The following PRPF6 variants were observed in gnomAD, a reference collection of about 807,000 sequenced individuals.
PRPF6 encodes the protein pre-mRNA-processing factor 6.
Under a neutral mutation model 118.3 loss-of-function variants are expected in PRPF6, and 42 were observed. The ratio of observed to expected loss-of-function variants is 0.35; its 90% CI spans 0.28 to 0.46. PRPF6 has a LOEUF of 0.46. PRPF6 is among the 20% of genes least tolerant of loss of function. The pLI is 1.00. For missense variants in PRPF6, 662 were observed against 1,255.7 expected, an observed-to-expected ratio of 0.53 and a Z score of 7.15; for synonymous variants, 481 against 485.1, an observed-to-expected ratio of 0.99 and a Z score of 0.11.
At chr20:64,009,687 A>G (rs1361479613) in intron 9 of PRPF6, among the ~76,000 whole-genome samples, 1 of 152,150 alleles carries the variant, frequency 6.6e-6, no homozygotes, top group East Asian at 1.9e-4. Flanking sequence ...GTGCCATTGT[A>G]CTCCAGCCTG....
chr20:64,029,818 G>A lies in PRPF6; in HGVS notation c.2546+327G>A, dbSNP rs1416213430. Among the ~76,000 whole-genome samples the A allele has an allele frequency of 9.6e-5, 14 of 145,450 alleles. No individual in the cohort carries two copies. The highest frequency in any genetic ancestry group is 3.5e-4 in the African/African-American group (14 of 40,014). ...TCAGAGACTCACCGGGGACGCATGT[G>A]ATTCACACTGGTGCTCTGGTCGCCG... is the stretch of plus-strand genomic sequence containing the variant. On this transcript the variant is annotated intron_variant, in intron 19 of 20. Transcript: ENST00000266079. This position sits in a 1 kb window ranked among gnomAD's most constrained non-coding sequence, Gnocchi z 4.8.
intron 9 of PRPF6, 99 bp downstream of exon 9, chr20:64,001,338 G>A (rs6122228): frequency 7.8e-6 from 11 of 1,406,082 alleles, no homozygotes; most frequent in Middle Eastern, 3.8e-4. Context: ...GAGTGGATAA[G>A]GAACCAGGGA....
At chr20:64,002,006 T>C (rs1361685235) in intron 9 of PRPF6, among the ~76,000 whole-genome samples, 1 of 128,210 alleles carries the variant, frequency 7.8e-6, no homozygotes, top group Admixed American at 9.8e-5. Context: ...TTTTGTTTTT[T>C]TTTTCTGGTT....
rs2059294921 is a variant in PRPF6 at position 64,027,188 on chromosome 20, A to G, written c.2205+30A>G. On this transcript the variant is annotated intron_variant, in intron 16 of 20. Transcript: ENST00000266079. The surrounding 1 kb of genome is among the most constrained non-coding windows in gnomAD (Gnocchi z 6.5). ...GTCTCTGCCTGCACCCTGGGGCTGCAGCTGACCCGGCATTCACAAAACTGA... is the reference window on the plus strand; with the variant it reads ...GTCTCTGCCTGCACCCTGGGGCTGCGGCTGACCCGGCATTCACAAAACTGA... 1 of 1,611,222 alleles carries G rather than the reference A, an allele frequency of 6.2e-7. No individual in the cohort carries two copies. Among genetic ancestry groups the G allele is most frequent in the South Asian group, 1.1e-5 (1 of 90,914 alleles).
chr20:63,987,278 A>C (rs2059099121), intron 3 of PRPF6, among the ~76,000 whole-genome samples: 1 of 151,414 alleles, frequency 6.6e-6, no homozygotes, highest in South Asian at 2.1e-4. Context: ...AGGCCCAGGC[A>C]GGCAGATCAT....
At chr20:64,032,300 G>GTCTGCTGGAGTATTTTAAC (rs2059318541) in intron 20 of PRPF6, among the ~76,000 whole-genome samples, 1 of 152,236 alleles carries the variant, frequency 6.6e-6, no homozygotes, top group South Asian at 2.1e-4. Context: ...AGGGTGGCCT[G>GTCTGCTGGAGTATTTTAAC]TCTGCTGGAG....
chr20:64,016,969 G>T lies in PRPF6; in HGVS notation c.1647+124G>T, dbSNP rs934470228. The T allele has an allele frequency of 3.0e-5, 40 of 1,334,126 alleles. 1 individual carries two copies. In the African/African-American group the frequency reaches 5.0e-4, roughly 17 times the overall value. The allele number at this position is 1,334,126 out of a possible 1,614,324, so 82.6% of individuals were successfully genotyped here. A position where few individuals can be genotyped will look rare whatever the true frequency, so the allele number is the denominator to read the frequency against. ...TTTTTTTTTTTAAATCTGAGACGGG[G>T]TCTTGCTCTGTCGCCCAGGCTGGAG... On this transcript the variant is annotated intron_variant, in intron 12 of 20. Coordinates refer to ENST00000266079, the MANE Select transcript of PRPF6 (RefSeq NM_012469.4).
At chr20:63,993,599 G>A in intron 4 of PRPF6, 114 bp downstream of exon 4, 1 of 835,742 alleles carries the variant, frequency 1.2e-6, no homozygotes. Flanking sequence ...TTAATTTAGG[G>A]GGTCATTGCT....
chr20:64,016,703 G>GGA lies in PRPF6; in HGVS notation c.1525-20_1525-19insGA. 6.2e-7 allele frequency: 1 copy of GGA among 1,613,910 alleles called. No homozygotes were observed. Among genetic ancestry groups the GGA allele is most frequent in the South Asian group, 1.1e-5 (1 of 91,066 alleles). On this transcript the variant is annotated intron_variant, in intron 11 of 20. Coordinates refer to ENST00000266079, the MANE Select transcript of PRPF6 (RefSeq NM_012469.4). The stretch of plus-strand genomic sequence containing the variant: ...CTCTGATTTCCAAAATCACAAATAA[G>GGA]TTTTGTGTTCCTCTTTCAGGATGCC...
At chr20:64,023,804 G>C (rs567308669) in intron 13 of PRPF6, among the ~76,000 whole-genome samples, 1 of 152,206 alleles carries the variant, frequency 6.6e-6, no homozygotes, top group Non-Finnish European at 1.5e-5. Context: ...CCCGTGACCT[G>C]AATATGAACT....
chr20:63,994,129 T>A (rs2059131143), intron 4 of PRPF6, among the ~76,000 whole-genome samples: 1 of 151,592 alleles, frequency 6.6e-6, no homozygotes, highest in Non-Finnish European at 1.5e-5. Context: ...GTTGAACAGA[T>A]CCAATAAATT....
At chr20:64,021,753 A>G (rs1249875095) in intron 12 of PRPF6, among the ~76,000 whole-genome samples, 2 of 142,728 alleles carry the variant, frequency 1.4e-5, no homozygotes, top group Non-Finnish European at 3.0e-5. Flanking sequence ...GTGTGCACGT[A>G]TGCATATGCC....
chr20:63,992,659 C>CT (rs11480797), intron 3 of PRPF6, among the ~76,000 whole-genome samples: 9,455 of 149,790 alleles, frequency 0.063, 312 homozygotes, highest in Middle Eastern at 0.12. Flanking sequence ...AAAGTAAGAT[C>CT]TTTTTTTTTT....
chr20:64,013,799 G>A (rs570929545), intron 11 of PRPF6, among the ~76,000 whole-genome samples: 62 of 152,238 alleles, frequency 4.1e-4, no homozygotes, highest in African/African-American at 1.4e-3. Context: ...TAAAGTTTAC[G>A]ATTCAGTGGT....
intron 9 of PRPF6, among the ~76,000 whole-genome samples, chr20:64,001,529 A>G (rs1212165954): frequency 6.6e-6 from 1 of 152,176 alleles, no homozygotes; most frequent in Non-Finnish European, 1.5e-5. Context: ...GGCTTCCCTC[A>G]TCTGCAGGGT....
intron 6 of PRPF6, 133 bp downstream of exon 6, chr20:63,995,615 CT>C (rs113295997): frequency 0.21 from 161,140 of 778,972 alleles, 158 homozygotes; most frequent in South Asian, 0.28. Flanking sequence ...TCTCCTTCTC[CT>C]TTTTTTTTTT....
At position 64,008,544 on chromosome 20, in the gene PRPF6, C is replaced by T. The variant is rs544623560; in HGVS notation, c.1187-1656C>T. Among the ~76,000 whole-genome samples the T allele has an allele frequency of 7.4e-4, 112 of 152,278 alleles. 1 individual carries two copies. Among genetic ancestry groups the T allele is most frequent in the African/African-American group, 2.6e-3 (108 of 41,558 alleles). On this transcript the variant is annotated intron_variant, in intron 9 of 20. Transcript: ENST00000266079. ...TGGAGTTCTCCACAGCCTTTCAGCT[C>T]CTGCCTTTGGCAGTGGCTGGTGACC...
intron 12 of PRPF6, among the ~76,000 whole-genome samples, chr20:64,021,245 G>C (rs558333235): frequency 6.6e-6 from 1 of 151,256 alleles, no homozygotes; most frequent in Non-Finnish European, 1.5e-5. Context: ...CTGTGTGTGC[G>C]TGTGTGCGTG....
In PRPF6 at chr20:64,011,601, G is replaced by C; in HGVS notation, c.1524+98G>C. The C allele has an allele frequency of 7.4e-7, 1 of 1,359,840 alleles. No individual in the cohort carries two copies. The highest frequency in any genetic ancestry group is 1.4e-5 in the African/African-American group (1 of 69,404). 84.2% of individuals were successfully genotyped at this position (1,359,840 alleles called of 1,614,324 possible). ...CTGGGGGTTGCTGGATGGTACTGGGGAGTCCTGTGCCAAACCAGAAGCAGG... is the reference window on the plus strand; with the variant it reads ...CTGGGGGTTGCTGGATGGTACTGGGCAGTCCTGTGCCAAACCAGAAGCAGG... On this transcript the variant is annotated intron_variant, in intron 11 of 20. Transcript: ENST00000266079. This position sits in a 1 kb window ranked among gnomAD's most constrained non-coding sequence, Gnocchi z 6.7.
Sources: gnomAD v4.1 joint callset for allele counts (sites outside exome capture counted in the v4.1 genomes callset) on GRCh38, gnomAD v4.1.1 for gene constraint, Gnocchi (gnomAD v3.1) non-coding constraint, MANE v1.5 for transcripts, NCBI Gene and HGNC (gene_info 2026-07-23, HGNC 2026-07-21) for gene names.